The following MDGA2 variants were observed in gnomAD, a reference collection of about 807,000 sequenced individuals.
MDGA2 encodes the protein MAM domain-containing glycosylphosphatidylinositol anchor protein 2.
A neutral mutation model predicts 117.8 loss-of-function variants in MDGA2; 40 were observed. The observed-to-expected ratio is 0.34, with a 90% CI of 0.26 to 0.44. The LOEUF is 0.44. Ranked by LOEUF, MDGA2 falls within the 20% of genes least tolerant of loss-of-function variation. The pLI is 1.00. For missense variants in MDGA2, 1,123 were observed against 1,250.6 expected (o/e 0.90, Z 1.54); for synonymous variants, 452 against 439.0 (o/e 1.03, Z -0.37).
intron 9 of MDGA2, among the ~76,000 whole-genome samples, chr14:46,920,660 G>C (rs1407174555): frequency 6.6e-6 from 1 of 152,088 alleles, no homozygotes; most frequent in South Asian, 2.1e-4. Flanking sequence ...TCTGACACTG[G>C]GGCAATCCAA....
chr14:47,509,043 T>C (rs1310730260), intron 1 of MDGA2, among the ~76,000 whole-genome samples: 1 of 152,134 alleles, frequency 6.6e-6, no homozygotes, highest in African/African-American at 2.4e-5. Flanking sequence ...TGGTTGCAGA[T>C]ACAGACAGGT....
chr14:47,159,125 T>C (rs1051153209), intron 3 of MDGA2, among the ~76,000 whole-genome samples: 4 of 152,184 alleles, frequency 2.6e-5, no homozygotes, highest in Non-Finnish European at 5.9e-5. Context: ...ATATGTGTCA[T>C]GATACATTGT....
chr14:47,307,612 C>T lies in MDGA2; in HGVS notation c.281-6062G>A, dbSNP rs150148150. Among the ~76,000 whole-genome samples, 12 of 151,600 alleles carry T rather than the reference C, an allele frequency of 7.9e-5. No homozygotes were observed. In the East Asian group the frequency reaches 1.2e-3, roughly 15 times the overall value. Reference sequence around the variant, plus strand: ...AGGAGAATTGCTTGAACCCAGGAGGCGGAGGTTGCAGTGAGACAAGATCCG... The same window carrying T: ...AGGAGAATTGCTTGAACCCAGGAGGTGGAGGTTGCAGTGAGACAAGATCCG... On this transcript the variant is annotated intron_variant, in intron 1 of 16. Transcript: ENST00000399232.
At chr14:47,501,304 T>TA (rs1678383998) in intron 1 of MDGA2, among the ~76,000 whole-genome samples, 1 of 152,148 alleles carries the variant, frequency 6.6e-6, no homozygotes, top group Admixed American at 6.5e-5. Context: ...GAGGATGAGA[T>TA]AGAGTCCTTT....
At chr14:46,901,224 C>T (rs1218764013) in intron 10 of MDGA2, among the ~76,000 whole-genome samples, 4 of 151,498 alleles carry the variant, frequency 2.6e-5, no homozygotes, top group Admixed American at 6.6e-5. Flanking sequence ...AGGAGATATA[C>T]CTAATGCCAA....
chr14:47,086,593 A>T (rs1276927939), intron 6 of MDGA2, among the ~76,000 whole-genome samples: 1 of 138,780 alleles, frequency 7.2e-6, no homozygotes, highest in Non-Finnish European at 1.5e-5. Context: ...CTATTATTAA[A>T]GATAGAAGTT....
intron 14 of MDGA2, among the ~76,000 whole-genome samples, chr14:46,863,381 A>C (rs1388040069): frequency 6.6e-6 from 1 of 152,168 alleles, no homozygotes; most frequent in Non-Finnish European, 1.5e-5. Flanking sequence ...AAAAACTTTT[A>C]TCATATTTGT....
intron 4 of MDGA2, among the ~76,000 whole-genome samples, chr14:47,140,406 A>G (rs537273267): frequency 2.2e-4 from 34 of 152,152 alleles, no homozygotes; most frequent in Middle Eastern, 3.4e-3. Context: ...CAAAGTTGGC[A>G]TCATACTATC....
At chr14:47,544,527 C>T (rs10483566) in intron 1 of MDGA2, among the ~76,000 whole-genome samples, 94,479 of 151,988 alleles carry the variant, frequency 0.62, 30,508 homozygotes, top group East Asian at 0.99. Flanking sequence ...GATGCTTCCT[C>T]GTAAGATAGT....
chr14:46,996,976 C>T, intron 8 of MDGA2: 1 of 392,650 alleles, frequency 2.5e-6, no homozygotes, highest in South Asian at 2.3e-5. Flanking sequence ...TAGCTTCATG[C>T]CAGGAAATAG....
At position 46,844,275 on chromosome 14, in the gene MDGA2, A is replaced by G. The variant is rs893792103; in HGVS notation, c.2989+1491T>C. ...GTATTTAGGCTCTTTACAATGCTGA[A>G]TCTGTTAAAATGGCTGGCAAAAGGC... On this transcript the variant is annotated intron_variant, in intron 16 of 16. Coordinates refer to ENST00000399232, the MANE Select transcript of MDGA2 (RefSeq NM_001113498.3). Among the ~76,000 whole-genome samples, 3 of 152,108 alleles carry G rather than the reference A, an allele frequency of 2.0e-5. No individual in the cohort carries two copies. In the South Asian group the frequency reaches 6.2e-4, roughly 32 times the overall value.
At chr14:47,607,819 C>T (rs59931514) in intron 1 of MDGA2, among the ~76,000 whole-genome samples, 4,166 of 152,130 alleles carry the variant, frequency 0.027, 111 homozygotes, top group African/African-American at 0.071. Flanking sequence ...TAGTCAATGG[C>T]TATCTGAATA....
intron 3 of MDGA2, among the ~76,000 whole-genome samples, chr14:47,171,487 T>C (rs1341976416): frequency 6.6e-6 from 1 of 152,178 alleles, no homozygotes; most frequent in East Asian, 1.9e-4. Context: ...TGTAACTACT[T>C]TTCTAGGATT....
At chr14:47,116,543 G>A (rs1246395167) in intron 5 of MDGA2, among the ~76,000 whole-genome samples, 4 of 152,054 alleles carry the variant, frequency 2.6e-5, no homozygotes, top group Non-Finnish European at 4.4e-5. Context: ...AAACAGTAGA[G>A]CACTGGCATA....
At chr14:47,668,316 A>G (rs2138311916) in intron 1 of MDGA2, among the ~76,000 whole-genome samples, 1 of 152,358 alleles carries the variant, frequency 6.6e-6, no homozygotes. Context: ...AATTAAGTAC[A>G]TGCCCCATTA....
intron 8 of MDGA2, among the ~76,000 whole-genome samples, chr14:47,015,272 CAAG>C (rs1362973641): frequency 6.7e-6 from 1 of 149,898 alleles, no homozygotes; most frequent in Non-Finnish European, 1.5e-5. Flanking sequence ...TGAAATATTG[CAAG>C]AATTACCAAA....
chr14:47,493,437 T>C (rs1053240482), intron 1 of MDGA2, among the ~76,000 whole-genome samples: 2 of 151,820 alleles, frequency 1.3e-5, no homozygotes, highest in African/African-American at 2.4e-5. Flanking sequence ...TGCATCAGTC[T>C]CCTGAATAGC....
chr14:47,116,061 G>T (rs8022861), intron 5 of MDGA2, among the ~76,000 whole-genome samples: 17,034 of 151,848 alleles, frequency 0.11, 1,092 homozygotes, highest in Admixed American at 0.11. Context: ...AAATACTTCA[G>T]GAAAATTGCA....
At chr14:47,059,444 T>A in intron 7 of MDGA2, 1 of 514,086 alleles carries the variant, frequency 1.9e-6, no homozygotes, top group Non-Finnish European at 3.2e-6. Context: ...AATCTCTTAT[T>A]ACTAATCTTG....
Sources: gnomAD v4.1 joint callset for allele counts (sites outside exome capture counted in the v4.1 genomes callset) on GRCh38, gnomAD v4.1.1 for gene constraint, MANE v1.5 for transcripts, NCBI Gene and HGNC (gene_info 2026-07-23, HGNC 2026-07-21) for gene names.